The following SNX29 variants were observed in gnomAD, a reference collection of about 807,000 sequenced individuals.
SNX29 encodes sorting nexin-29.
SNX29 carries 78 observed loss-of-function variants against 102.1 expected under a neutral mutation model. That is an observed-to-expected ratio of 0.76 (90% CI 0.64 to 0.92). The LOEUF is 0.92. Among genes scored for constraint, SNX29 ranks in the 40% least tolerant of loss-of-function variants. The pLI, the probability that SNX29 is intolerant of heterozygous loss-of-function variation, is 0.00. For synonymous variants in SNX29, 580 were observed against 414.5 expected (o/e 1.40, Z -4.85); for missense variants, 1,280 against 1,061.7 (o/e 1.21, Z -2.86).
intron 18 of SNX29, among the ~76,000 whole-genome samples, chr16:12,426,095 T>A (rs1421480712): frequency 4.6e-5 from 7 of 152,122 alleles, no homozygotes; most frequent in East Asian, 1.9e-4. Context: ...TTTTTTTTTT[T>A]TAAAAAGATA....
chr16:12,518,607 C>T lies in SNX29; in HGVS notation c.2179-6095C>T, dbSNP rs1375266778. Among the ~76,000 whole-genome samples the T allele has an allele frequency of 4.6e-5, 7 of 152,318 alleles. No individual in the cohort carries two copies. In the East Asian group the frequency reaches 1.4e-3, roughly 29 times the overall value. ...TCCTCCCTGCGAGGTTCCCTGAGCACCTGTGGGTTCCATCGCAGCACTTGC... is the reference window on the plus strand; with the variant it reads ...TCCTCCCTGCGAGGTTCCCTGAGCATCTGTGGGTTCCATCGCAGCACTTGC... On this transcript the variant is annotated intron_variant, in intron 19 of 20. Coordinates refer to ENST00000566228, the MANE Select transcript of SNX29 (RefSeq NM_032167.5).
intron 18 of SNX29, among the ~76,000 whole-genome samples, chr16:12,474,452 G>A (rs1238304694): frequency 6.6e-6 from 1 of 152,160 alleles, no homozygotes; most frequent in African/African-American, 2.4e-5. Context: ...GATTGCGCAT[G>A]TGTGTTCCGG....
intron 19 of SNX29, among the ~76,000 whole-genome samples, chr16:12,495,452 C>G (rs946777159): frequency 6.6e-6 from 1 of 152,188 alleles, no homozygotes; most frequent in African/African-American, 2.4e-5. Flanking sequence ...CTGGCGTCAT[C>G]TGGAATTCTG....
chr16:12,553,362 C>G (rs1005816211), intron 20 of SNX29, among the ~76,000 whole-genome samples: 1 of 152,210 alleles, frequency 6.6e-6, no homozygotes, highest in Non-Finnish European at 1.5e-5. Context: ...CTTCTCAGAG[C>G]TTGCCAGACA....
At chr16:12,170,787 G>A (rs1286152128) in intron 13 of SNX29, among the ~76,000 whole-genome samples, 1 of 151,348 alleles carries the variant, frequency 6.6e-6, no homozygotes, top group African/African-American at 2.4e-5. Context: ...GTGTGTGAGA[G>A]TGAGAGCACG....
chr16:12,549,922 T>C (rs957098472), intron 20 of SNX29, among the ~76,000 whole-genome samples: 1 of 152,230 alleles, frequency 6.6e-6, no homozygotes, highest in Non-Finnish European at 1.5e-5. Context: ...GGCCAAATCT[T>C]ACCCTCCACC....
chr16:12,454,710 T>C (rs2086459129), intron 18 of SNX29, among the ~76,000 whole-genome samples: 1 of 152,094 alleles, frequency 6.6e-6, no homozygotes, highest in East Asian at 1.9e-4. Context: ...ATTTATTTAT[T>C]TATTTTTATT....
chr16:12,461,746 C>A (rs200752546), intron 18 of SNX29, among the ~76,000 whole-genome samples: 1 of 151,260 alleles, frequency 6.6e-6, no homozygotes, highest in African/African-American at 2.4e-5. Flanking sequence ...CACTTGAGGT[C>A]GGAAGTTCAA....
chr16:12,527,239 G>T (rs538331886), intron 20 of SNX29: 2 of 533,952 alleles, frequency 3.7e-6, no homozygotes, highest in South Asian at 1.5e-5. Context: ...CCACAGCCAA[G>T]CCTTACCCGT....
intron 15 of SNX29, among the ~76,000 whole-genome samples, chr16:12,314,896 A>G (rs2080681595): frequency 6.6e-6 from 1 of 152,204 alleles, no homozygotes; most frequent in South Asian, 2.1e-4. Context: ...TCCTACCGGG[A>G]GGCCTGTGGC....
intron 18 of SNX29, among the ~76,000 whole-genome samples, chr16:12,467,820 A>G (rs891223050): frequency 5.3e-5 from 8 of 152,152 alleles, no homozygotes; most frequent in Admixed American, 5.2e-4. Flanking sequence ...AGGTCTACCT[A>G]GCATGCCAGA....
At chr16:12,262,042 C>T (rs954439474) in intron 14 of SNX29, among the ~76,000 whole-genome samples, 1 of 148,034 alleles carries the variant, frequency 6.8e-6, no homozygotes, top group African/African-American at 2.5e-5. Flanking sequence ...GTGCACGTCC[C>T]CGGCTGGAGT....
At chr16:12,217,030 T>A (rs1325597360) in intron 14 of SNX29, among the ~76,000 whole-genome samples, 7 of 152,268 alleles carry the variant, frequency 4.6e-5, no homozygotes, top group African/African-American at 1.7e-4. Flanking sequence ...CTGCTGGGTT[T>A]CTTTTGTTTT....
At position 12,451,910 on chromosome 16, in the gene SNX29, G is replaced by A. The variant is rs774698741; in HGVS notation, c.2038-25809G>A. On this transcript the variant is annotated intron_variant, in intron 18 of 20. Coordinates refer to ENST00000566228, the MANE Select transcript of SNX29 (RefSeq NM_032167.5). ...GGTTTCTAACCAAACTGGCCTTACC[G>A]GATACCTCCAGTTCTCTCTTTCTTA... Among the ~76,000 whole-genome samples, 5 of 152,130 alleles carry A rather than the reference G, an allele frequency of 3.3e-5. No individual in the cohort carries two copies. In the East Asian group the frequency reaches 5.8e-4, roughly 18 times the overall value.
intron 8 of SNX29, chr16:12,052,751 G>C (rs933729159): frequency 1.2e-5 from 2 of 165,370 alleles, no homozygotes; most frequent in African/African-American, 4.8e-5. Flanking sequence ...TGTGTGCCTT[G>C]AAATTCTTGC....
chr16:12,472,929 G>A (rs1044394312), intron 18 of SNX29, among the ~76,000 whole-genome samples: 4 of 152,078 alleles, frequency 2.6e-5, no homozygotes, highest in Non-Finnish European at 5.9e-5. Flanking sequence ...ATCTTCTTTT[G>A]CTGAGTCAAG....
At chr16:12,550,512 G>A (rs1393921526) in intron 20 of SNX29, among the ~76,000 whole-genome samples, 1 of 144,864 alleles carries the variant, frequency 6.9e-6, no homozygotes, top group Non-Finnish European at 1.5e-5. Flanking sequence ...TCCAGTCTGG[G>A]AGACACAGTC....
chr16:12,547,216 T>G (rs2077661551), intron 20 of SNX29, among the ~76,000 whole-genome samples: 1 of 152,146 alleles, frequency 6.6e-6, no homozygotes, highest in South Asian at 2.1e-4. Flanking sequence ...AGTGGAGACC[T>G]GAGGCAGGGA....
At chr16:12,279,085 C>T (rs1038044520) in intron 15 of SNX29, among the ~76,000 whole-genome samples, 1 of 151,922 alleles carries the variant, frequency 6.6e-6, no homozygotes, top group Admixed American at 6.6e-5. Context: ...TGTAATGGTC[C>T]CTTGGTGGTA....
Sources: allele counts gnomAD v4.1 joint callset (sites outside exome capture counted in the v4.1 genomes callset), GRCh38; gene constraint gnomAD v4.1.1; transcripts MANE v1.5; gene names NCBI Gene and HGNC (gene_info 2026-07-23, HGNC 2026-07-21).